Variants in GEMIN5 observed in about 807,000 individuals in gnomAD.
GEMIN5 encodes the protein gem-associated protein 5.
A neutral mutation model predicts 176.9 loss-of-function variants in GEMIN5; 124 were observed. The ratio of observed to expected loss-of-function variants is 0.70; its 90% CI spans 0.61 to 0.81. The LOEUF (loss-of-function observed/expected upper bound fraction) is 0.81, where lower values mean the gene tolerates loss of function less well. Ranked by LOEUF, GEMIN5 falls within the 40% of genes least tolerant of loss-of-function variation. The probability of loss-of-function intolerance (pLI) is 0.00; values close to 1 mark genes in which losing one functional copy is unlikely to be tolerated. For synonymous variants in GEMIN5, 673 were observed against 665.2 expected (o/e 1.01, Z -0.18); for missense variants, 1,843 against 1,814.6 (o/e 1.02, Z -0.28).
chr5:154,923,702 C>A (rs369039638), intron 9 of GEMIN5, among the ~76,000 whole-genome samples: 20 of 152,312 alleles, frequency 1.3e-4, no homozygotes, highest in African/African-American at 4.6e-4. Context: ...ATTCATGGAC[C>A]ATGGTTCACC....
At position 154,911,830 on chromosome 5, in the gene GEMIN5, C is replaced by A; in HGVS notation, c.2064G>T (p.Val688=). Reference sequence around the variant, plus strand: ...AGTCTGGATCCAAAGGAGACCATGCCACACAAAGCAGTCGACCTCGATGTC... The same window carrying A: ...AGTCTGGATCCAAAGGAGACCATGCAACACAAAGCAGTCGACCTCGATGTC... ...FRGHRGRLLC[V]AWSPLDPDCI... Residue 688 remains valine, a synonymous_variant, in exon 15 of 28, where the codon GTG becomes GTT. Transcript: ENST00000285873. 1 of 1,613,934 alleles carries A rather than the reference C, an allele frequency of 6.2e-7. No individual in the cohort carries two copies. The highest frequency in any genetic ancestry group is 1.6e-4 in the Middle Eastern group (1 of 6,062).
rs374706196 is a variant in GEMIN5 at position 154,919,107 on chromosome 5, TC to T, written c.1599+859del. The stretch of plus-strand genomic sequence containing the variant: ...GGGTAAGGAGGCCAAAGCAGGTGGA[TC>T]ACTTGAGCTCAGAAGTTCAAAACCA... On this transcript the variant is annotated intron_variant, in intron 11 of 27. Coordinates refer to ENST00000285873, the MANE Select transcript of GEMIN5 (RefSeq NM_015465.5). Among the ~76,000 whole-genome samples, 525 of 151,590 alleles carry T rather than the reference TC, an allele frequency of 3.5e-3. 3 individuals are homozygous for T. Among genetic ancestry groups the T allele is most frequent in the African/African-American group, 0.012 (509 of 41,308 alleles).
chr5:154,893,019 C>T (rs1297761093), intron 24 of GEMIN5, among the ~76,000 whole-genome samples: 1 of 151,996 alleles, frequency 6.6e-6, no homozygotes, highest in East Asian at 1.9e-4. Flanking sequence ...ATTGCTTGAA[C>T]CCGGAAGGTG....
intron 12 of GEMIN5, 56 bp from the exon 13 acceptor site, chr5:154,917,235 A>C (rs348735): frequency 0.5 from 504,774 of 1,016,848 alleles, 132,870 homozygotes; most frequent in Non-Finnish European, 0.55. Flanking sequence ...TACAAGTTAC[A>C]ATGCAAATAG....
At chr5:154,895,971 T>C (rs781391352) in intron 24 of GEMIN5, 121 bp downstream of exon 24, 2 of 1,154,350 alleles carry the variant, frequency 1.7e-6, no homozygotes, top group Admixed American at 2.3e-5. Flanking sequence ...GGCGTGGCCA[T>C]GCCTTAGCCT....
intron 13 of GEMIN5, among the ~76,000 whole-genome samples, chr5:154,915,696 C>A (rs1354406240): frequency 6.6e-6 from 1 of 152,196 alleles, no homozygotes; most frequent in Non-Finnish European, 1.5e-5. Flanking sequence ...CGTTACCTAT[C>A]ACCCTCACAG....
intron 9 of GEMIN5, among the ~76,000 whole-genome samples, chr5:154,922,460 T>C (rs1763943828): frequency 6.6e-6 from 1 of 152,036 alleles, no homozygotes; most frequent in South Asian, 2.1e-4. Context: ...CGGCCTACTT[T>C]AGCCTATATC....
intron 23 of GEMIN5, among the ~76,000 whole-genome samples, chr5:154,897,914 G>GTTTTTTTTTTTTTTT (rs35458616): frequency 1.6e-5 from 2 of 124,466 alleles, no homozygotes; most frequent in Non-Finnish European, 1.6e-5. Flanking sequence ...TTTTTTTTGT[G>GTTTTTTTTTTTTTTT]TTTTTTTTTT....
At position 154,891,492 on chromosome 5, in the gene GEMIN5, C is replaced by T. The variant is rs767270599; in HGVS notation, c.4011G>A (p.Arg1337=). 1.2e-6 allele frequency: 2 copies of T among 1,614,130 alleles called. No homozygotes were observed. Residue 1337 remains arginine, a synonymous_variant, in exon 26 of 28, where the codon AGG becomes AGA. Coordinates refer to ENST00000285873, the MANE Select transcript of GEMIN5 (RefSeq NM_015465.5). ...DPETSQPEPN[R]PSELDLRLTE... Reference sequence around the variant, plus strand: ...TGAGTCTCAAGTCTAGTTCTGAAGGCCTGTTTGGCTCTGGCTGAGAAGTTT... The same window carrying T: ...TGAGTCTCAAGTCTAGTTCTGAAGGTCTGTTTGGCTCTGGCTGAGAAGTTT...
intron 24 of GEMIN5, 75 bp downstream of exon 24, chr5:154,896,017 C>T: frequency 6.5e-7 from 1 of 1,532,056 alleles, no homozygotes; most frequent in African/African-American, 1.4e-5. Flanking sequence ...GCTTGTTTCC[C>T]CGTTACAATA....
intron 15 of GEMIN5, among the ~76,000 whole-genome samples, chr5:154,910,705 TTTTTTTG>T (rs1347176551): frequency 6.6e-6 from 1 of 152,206 alleles, no homozygotes; most frequent in African/African-American, 2.4e-5. Context: ...TACTTTCTCT[TTTTTTTG>T]TTTTGAGACG....
At position 154,904,552 on chromosome 5, in the gene GEMIN5, GCTC is replaced by G; in HGVS notation, c.2584_2586del (p.Glu862del). The G allele has an allele frequency of 6.2e-7, 1 of 1,612,632 alleles. No individual in the cohort carries two copies. The highest frequency in any genetic ancestry group is 8.5e-7 in the Non-Finnish European group (1 of 1,178,638). On this transcript the variant is annotated inframe_deletion, in exon 18 of 28. Coordinates refer to ENST00000285873, the MANE Select transcript of GEMIN5 (RefSeq NM_015465.5). ...GCTAGTACCAAACAGTCCTGATGAA[GCTC>G]CTCTTTGGATCTGTGGTCCAGGCTT...
At chr5:154,901,200 C>G (rs191440006) in intron 21 of GEMIN5, 139 bp downstream of exon 21, 2 of 748,296 alleles carry the variant, frequency 2.7e-6, no homozygotes, top group Non-Finnish European at 4.4e-6. Flanking sequence ...GTGGCATGCA[C>G]CTCCTGAGTA....
intron 10 of GEMIN5, among the ~76,000 whole-genome samples, chr5:154,920,541 C>T (rs1763902562): frequency 6.6e-6 from 1 of 152,150 alleles, no homozygotes; most frequent in African/African-American, 2.4e-5. Flanking sequence ...TCCTTAGTAT[C>T]ACAGCAATCT....
In GEMIN5 at chr5:154,925,980, A is replaced by G; in HGVS notation, c.1175T>C (p.Ile392Thr). 1 of 1,612,310 alleles carries G rather than the reference A, an allele frequency of 6.2e-7. No individual in the cohort carries two copies. Among genetic ancestry groups the G allele is most frequent in the South Asian group, 1.1e-5 (1 of 91,044 alleles). Residue 392 changes from isoleucine to threonine, a missense_variant, in exon 8 of 28, where the codon ATA becomes ACA. Transcript: ENST00000285873. ...AYSLAFSSVD[I>T]GSLAIGVGDG... ...CCCAACACCTATGGCCAAAGAGCCT[A>G]TGTCCACAGAAGAGAAAGCCAGGCT...
intron 13 of GEMIN5, 123 bp downstream of exon 13, chr5:154,916,869 CAGAAAA>C: frequency 2.1e-6 from 1 of 476,666 alleles, no homozygotes; most frequent in Non-Finnish European, 3.6e-6. Context: ...ACTTTTGAAA[CAGAAAA>C]AGTAGTAAGA....
At position 154,917,045 on chromosome 5, in the gene GEMIN5, C is replaced by T; in HGVS notation, c.1808G>A (p.Gly603Asp). The change falls in exon 13 of 28, where the codon GGC (glycine) becomes GAC (aspartate). Residue 603 changes from glycine to aspartate, a missense_variant. Physicochemically the swap from Gly to Asp is moderately conservative, Grantham distance 94 (BLOSUM62 -1). Coordinates refer to ENST00000285873, the MANE Select transcript of GEMIN5 (RefSeq NM_015465.5). ...QPELSYLMASGSNNAVIYVHN... is the reference protein window; with the variant it reads ...QPELSYLMASDSNNAVIYVHN... ...CACGTAAATGACTGCATTGTTGGAGCCAGAGGCCATCAGATAGCTCAATTC... is the reference window on the plus strand; with the variant it reads ...CACGTAAATGACTGCATTGTTGGAGTCAGAGGCCATCAGATAGCTCAATTC... 5 of 1,607,354 alleles carry T rather than the reference C, an allele frequency of 3.1e-6. No individual in the cohort carries two copies. Among genetic ancestry groups the T allele is most frequent in the Non-Finnish European group, 4.3e-6 (5 of 1,175,150 alleles).
At chr5:154,928,457 T>C in intron 6 of GEMIN5, 70 bp downstream of exon 6, 2 of 1,416,886 alleles carry the variant, frequency 1.4e-6, no homozygotes, top group South Asian at 1.2e-5. Context: ...ACTTTCTCCA[T>C]CCTAGGAGGA....
intron 27 of GEMIN5, 104 bp from the exon 28 acceptor site, chr5:154,888,481 T>C (rs925441650): frequency 1.3e-5 from 12 of 903,576 alleles, no homozygotes; most frequent in Non-Finnish European, 1.9e-5. Flanking sequence ...TAGACACTTC[T>C]TGGACACAGC....
Sources: allele counts gnomAD v4.1 joint callset (sites outside exome capture counted in the v4.1 genomes callset), GRCh38; gene constraint gnomAD v4.1.1; transcripts MANE v1.5; gene names NCBI Gene and HGNC (gene_info 2026-07-23, HGNC 2026-07-21).